Variants in ANXA7 observed in about 807,000 individuals in gnomAD.
ANXA7 encodes the protein annexin VII.
A neutral mutation model predicts 64.9 loss-of-function variants in ANXA7; 55 were observed. That is an observed-to-expected ratio of 0.85 (90% CI 0.68 to 1.06). The LOEUF (loss-of-function observed/expected upper bound fraction) is 1.06, where lower values mean the gene tolerates loss of function less well. Ranked by LOEUF, ANXA7 falls within the 50% of genes least tolerant of loss-of-function variation. The pLI, the probability that ANXA7 is intolerant of heterozygous loss-of-function variation, is 0.00. For missense variants in ANXA7, 548 were observed against 582.1 expected (o/e 0.94, Z 0.60); for synonymous variants, 200 against 192.4 (o/e 1.04, Z -0.33).
chr10:73,378,841 T>C (rs971248240), intron 12 of ANXA7, 70 bp downstream of exon 12: 5 of 1,167,704 alleles, frequency 4.3e-6, no homozygotes, highest in Non-Finnish European at 6.3e-6. Context: ...GACAACCAAC[T>C]GGGGAACTTT....
chr10:73,412,125 C>T (rs1009196567), intron 1 of ANXA7, among the ~76,000 whole-genome samples: 3 of 152,180 alleles, frequency 2.0e-5, no homozygotes, highest in African/African-American at 7.2e-5. Flanking sequence ...CAACCTCCGC[C>T]TCCGGGGTTC....
At chr10:73,402,442 T>C (rs1184732479) in intron 1 of ANXA7, among the ~76,000 whole-genome samples, 1 of 152,052 alleles carries the variant, frequency 6.6e-6, no homozygotes. Context: ...GCTCAAGCGA[T>C]CTGCCTGCTT....
chr10:73,403,944 C>G (rs2055712874), intron 1 of ANXA7, among the ~76,000 whole-genome samples: 2 of 152,130 alleles, frequency 1.3e-5, no homozygotes, highest in South Asian at 4.1e-4. Context: ...AGTAAAAGAA[C>G]AAAGGCAAAG....
intron 9 of ANXA7, among the ~76,000 whole-genome samples, 188 bp downstream of exon 9, chr10:73,382,987 A>G (rs2055298681): frequency 6.6e-6 from 1 of 152,240 alleles, no homozygotes; most frequent in Admixed American, 6.5e-5. Flanking sequence ...TACAAAAGCC[A>G]GATTTACAGG....
intron 1 of ANXA7, among the ~76,000 whole-genome samples, chr10:73,404,759 C>T (rs74364724): frequency 0.047 from 7,063 of 150,684 alleles, 503 homozygotes; most frequent in African/African-American, 0.15. Flanking sequence ...CACTATTAAC[C>T]TAAAGCAAAT....
intron 4 of ANXA7, 60 bp downstream of exon 4, chr10:73,397,104 T>C: frequency 1.2e-6 from 1 of 827,660 alleles, no homozygotes; most frequent in East Asian, 2.8e-5. Flanking sequence ...GTTCCCTCAA[T>C]GGTGATTTAA....
chr10:73,396,085 A>T (rs777669484), intron 5 of ANXA7: 16 of 1,600,070 alleles, frequency 1.0e-5, no homozygotes, highest in Middle Eastern at 3.3e-4. Context: ...AAAACAGGAT[A>T]GGAAGAAAAA....
intron 5 of ANXA7, among the ~76,000 whole-genome samples, chr10:73,395,313 T>C (rs1320375894): frequency 6.6e-6 from 1 of 152,184 alleles, no homozygotes; most frequent in Non-Finnish European, 1.5e-5. Flanking sequence ...ATCCTTCTCC[T>C]ACCCCAGCCT....
chr10:73,378,520 T>C (rs917637665), intron 12 of ANXA7, among the ~76,000 whole-genome samples: 12 of 152,172 alleles, frequency 7.9e-5, no homozygotes, highest in Admixed American at 6.5e-4. Context: ...AAAATTGTTT[T>C]ATTATTAATA....
Position 73,377,930 on chromosome 10 carries a change from T to TGTGTGTGTGTGTGTGC in ANXA7, c.1278+980_1278+981insGCACACACACACACAC, listed in dbSNP as rs542289005. Among the ~76,000 whole-genome samples the TGTGTGTGTGTGTGTGC allele has an allele frequency of 3.4e-3, 482 of 142,570 alleles. 8 individuals are homozygous for TGTGTGTGTGTGTGTGC. The highest frequency in any genetic ancestry group is 8.4e-3 in the African/African-American group (299 of 35,490). 93.5% of individuals were successfully genotyped at this position (142,570 alleles called of 152,430 possible). ...GTGTGTGTGTGTGTGTGTGTGTGTG[T>TGTGTGTGTGTGTGTGC]GCGCGCGCGTGTGTTTTTTGTAGAA... On this transcript the variant is annotated intron_variant, in intron 12 of 12. Transcript: ENST00000372921.
chr10:73,383,046 G>T, intron 9 of ANXA7, 129 bp downstream of exon 9: 1 of 755,852 alleles, frequency 1.3e-6, no homozygotes, highest in Non-Finnish European at 2.0e-6. Context: ...TGGTTTCTGT[G>T]TTGTCCCTCT....
chr10:73,412,118 C>A lies in ANXA7; in HGVS notation c.-2+1894G>T, dbSNP rs1332678718. ...GTGGCACGATCTCAGCTTACTGCAA[C>A]CTCCGCCTCCGGGGTTCAAGAGATT... On this transcript the variant is annotated intron_variant, in intron 1 of 12. Transcript: ENST00000372921. Among the ~76,000 whole-genome samples the A allele has an allele frequency of 2.6e-5, 4 of 152,224 alleles. No homozygotes were observed. In the South Asian group the frequency reaches 8.3e-4, roughly 32 times the overall value.
At chr10:73,387,663 G>A (rs2055397444) in intron 7 of ANXA7, 26 bp downstream of exon 7, 1 of 1,549,584 alleles carries the variant, frequency 6.5e-7, no homozygotes, top group Non-Finnish European at 8.9e-7. Flanking sequence ...CACTGCTGGT[G>A]CTCATTCCAG....
In ANXA7 at chr10:73,396,537, T is replaced by C. The variant is rs758249493; in HGVS notation, c.417A>G (p.Gln139=). The part of the protein sequence containing the change: ...GQMPSQYPGG[Q]PTYPSQPATV... ...AAAATACCTGACTAGGGTAAGTAGG[T>C]TGTCCTCCAGGATACTGAGAAGGCA... Residue 139 remains glutamine, a synonymous_variant, in exon 5 of 13, where the codon CAA becomes CAG. Coordinates refer to ENST00000372921, the MANE Select transcript of ANXA7 (RefSeq NM_001156.5). 4 of 1,610,914 alleles carry C rather than the reference T, an allele frequency of 2.5e-6. No individual in the cohort carries two copies. Among genetic ancestry groups the C allele is most frequent in the African/African-American group, 2.7e-5 (2 of 74,788 alleles).
intron 3 of ANXA7, among the ~76,000 whole-genome samples, chr10:73,397,606 C>T (rs1425866024): frequency 3.9e-5 from 6 of 152,108 alleles, no homozygotes; most frequent in Admixed American, 3.9e-4. Context: ...TACAGGCATG[C>T]ACCACCACAC....
intron 5 of ANXA7, among the ~76,000 whole-genome samples, chr10:73,390,780 G>A (rs2055467831): frequency 6.8e-6 from 1 of 147,648 alleles, no homozygotes; most frequent in African/African-American, 2.5e-5. Context: ...TCATCTGTAG[G>A]GAAAAATTTT....
rs755093944 is a variant in ANXA7 at position 73,378,377 on chromosome 10, C to CAAA, written c.1278+531_1278+533dup. On this transcript the variant is annotated intron_variant, in intron 12 of 12. Coordinates refer to ENST00000372921, the MANE Select transcript of ANXA7 (RefSeq NM_001156.5). The stretch of plus-strand genomic sequence containing the variant: ...TGGGTGACAGAGTGAGACCATGTCT[C>CAAA]AAAAAAAAAAAAAAAAAAAAAAAAT... 2.8e-3 allele frequency among the ~76,000 whole-genome samples: 179 copies of CAAA among 63,028 alleles called. 3 individuals are homozygous for CAAA. Among genetic ancestry groups the CAAA allele is most frequent in the East Asian group, 0.011 (23 of 2,134 alleles). The allele number at this position is 63,028 out of a possible 152,430, so 41.3% of individuals were successfully genotyped here. A position where few individuals can be genotyped will look rare whatever the true frequency, so the allele number is the denominator to read the frequency against.
At chr10:73,410,095 G>A (rs750356736) in intron 1 of ANXA7, among the ~76,000 whole-genome samples, 2 of 151,962 alleles carry the variant, frequency 1.3e-5, no homozygotes, top group Non-Finnish European at 2.9e-5. Flanking sequence ...CACTGGCCTA[G>A]GCAAAAAATT....
At chr10:73,411,169 T>G (rs2055832071) in intron 1 of ANXA7, among the ~76,000 whole-genome samples, 1 of 152,190 alleles carries the variant, frequency 6.6e-6, no homozygotes, top group Non-Finnish European at 1.5e-5. Context: ...GGAGGCCATT[T>G]TTCTAAGTGA....
Sources: allele counts gnomAD v4.1 joint callset (sites outside exome capture counted in the v4.1 genomes callset), GRCh38; gene constraint gnomAD v4.1.1; transcripts MANE v1.5; gene names NCBI Gene and HGNC (gene_info 2026-07-23, HGNC 2026-07-21).